Variants in ADK observed in about 807,000 individuals in gnomAD.
The protein encoded by ADK is N6,N6-dimethyladenosine kinase.
In ADK, 24 loss-of-function variants were observed where a neutral mutation model predicts 44.7. That is an observed-to-expected ratio of 0.54 (90% CI 0.39 to 0.76). The LOEUF is 0.76. Among genes scored for constraint, ADK ranks in the 30% least tolerant of loss-of-function variants. ADK has a pLI of 0.00. For synonymous variants in ADK, 128 were observed against 142.6 expected, an observed-to-expected ratio of 0.90 and a Z score of 0.73; for missense variants, 321 against 425.1, an observed-to-expected ratio of 0.76 and a Z score of 2.15.
chr10:74,450,722 C>T (rs1259280885), intron 6 of ADK, among the ~76,000 whole-genome samples: 1 of 152,094 alleles, frequency 6.6e-6, no homozygotes, highest in Non-Finnish European at 1.5e-5. Flanking sequence ...GTGAACAAGA[C>T]ATATTAATAG....
At chr10:74,416,734 G>A (rs1309036218) in intron 6 of ADK, among the ~76,000 whole-genome samples, 1 of 151,598 alleles carries the variant, frequency 6.6e-6, no homozygotes, top group Non-Finnish European at 1.5e-5. Context: ...ATCTTTCAAA[G>A]TATTTGTTTC....
At chr10:74,165,862 A>C (rs1210011547) in intron 1 of ADK, among the ~76,000 whole-genome samples, 1 of 152,128 alleles carries the variant, frequency 6.6e-6, no homozygotes, top group Non-Finnish European at 1.5e-5. Flanking sequence ...CCCCCAAAAT[A>C]ATTATTCTCT....
chr10:74,298,992 TG>T (rs1839910626), intron 3 of ADK, among the ~76,000 whole-genome samples: 1 of 152,286 alleles, frequency 6.6e-6, no homozygotes, highest in African/African-American at 2.4e-5. Flanking sequence ...TGGTTTTACT[TG>T]GCTCTGATGA....
At chr10:74,190,052 A>T (rs922992381) in intron 1 of ADK, among the ~76,000 whole-genome samples, 2 of 152,204 alleles carry the variant, frequency 1.3e-5, no homozygotes, top group African/African-American at 4.8e-5. Flanking sequence ...GGTGCTATAA[A>T]CATTCATCTA....
chr10:74,410,958 G>A (rs892005899), intron 6 of ADK, among the ~76,000 whole-genome samples: 5 of 152,028 alleles, frequency 3.3e-5, no homozygotes, highest in African/African-American at 1.2e-4. Context: ...TTAAAGAGGT[G>A]GGATAGCTAA....
intron 7 of ADK, among the ~76,000 whole-genome samples, chr10:74,584,608 CT>C (rs1328995787): frequency 6.6e-6 from 1 of 151,820 alleles, no homozygotes; most frequent in African/African-American, 2.4e-5. Flanking sequence ...AGACACCCCC[CT>C]GTCTTAATCT....
At chr10:74,636,961 G>A (rs1853640546) in intron 9 of ADK, among the ~76,000 whole-genome samples, 1 of 152,160 alleles carries the variant, frequency 6.6e-6, no homozygotes, top group African/African-American at 2.4e-5. Flanking sequence ...AAGCTAGAAA[G>A]ATAAGGATCA....
intron 3 of ADK, among the ~76,000 whole-genome samples, chr10:74,256,136 A>T (rs190988632): frequency 5.3e-5 from 8 of 152,348 alleles, no homozygotes; most frequent in African/African-American, 1.4e-4. Flanking sequence ...ACATGTGAAA[A>T]GGCAGGAAAG....
At chr10:74,210,330 G>GAA (rs57852507) in intron 2 of ADK, among the ~76,000 whole-genome samples, 41,365 of 84,424 alleles carry the variant, frequency 0.49, 9,720 homozygotes, top group Non-Finnish European at 0.57. Context: ...TCCATCTCAG[G>GAA]AAAAAAAAAA....
chr10:74,440,597 A>G (rs1414030503), intron 6 of ADK, among the ~76,000 whole-genome samples: 1 of 152,106 alleles, frequency 6.6e-6, no homozygotes, highest in African/African-American at 2.4e-5. Context: ...AAAAATAAAG[A>G]TATTGTTTTA....
chr10:74,245,760 T>C (rs927111120), intron 3 of ADK, among the ~76,000 whole-genome samples: 4 of 152,180 alleles, frequency 2.6e-5, no homozygotes, highest in Admixed American at 2.0e-4. Context: ...CTGGCTAATT[T>C]TTGTAATTTT....
intron 1 of ADK, among the ~76,000 whole-genome samples, chr10:74,186,787 T>C (rs1350596295): frequency 6.6e-6 from 1 of 152,228 alleles, no homozygotes; most frequent in Non-Finnish European, 1.5e-5. Context: ...CCCATTTTGG[T>C]GTGTGTATCA....
chr10:74,664,947 A>G (rs186625782), intron 9 of ADK, among the ~76,000 whole-genome samples: 1 of 152,374 alleles, frequency 6.6e-6, no homozygotes, highest in Non-Finnish European at 1.5e-5. Flanking sequence ...TGTGGACTAT[A>G]GATTAGATTA....
chr10:74,379,362 A>G, intron 4 of ADK, among the ~76,000 whole-genome samples: 1 of 152,222 alleles, frequency 6.6e-6, no homozygotes, highest in East Asian at 1.9e-4. Flanking sequence ...TGTGTGAATA[A>G]CACTCTTCTC....
In ADK at chr10:74,238,880, T is replaced by TTA. The variant is rs1163588596; in HGVS notation, c.194+14289_194+14290insTA. Among the ~76,000 whole-genome samples, 8 of 145,956 alleles carry TTA rather than the reference T, an allele frequency of 5.5e-5. No individual in the cohort carries two copies. The South Asian group carries it at 6.5e-4, about 12-fold the overall frequency. ...GCTTTTTTTTTTTTTTTTTTTTTTT[T>TTA]AAGACGGAGTCTCGCTCTGTTCCAG... On this transcript the variant is annotated intron_variant, in intron 3 of 10. Transcript: ENST00000539909.
intron 3 of ADK, among the ~76,000 whole-genome samples, chr10:74,304,589 C>A (rs1404840849): frequency 6.6e-6 from 1 of 151,958 alleles, no homozygotes; most frequent in African/African-American, 2.4e-5. Context: ...AATAGAAATT[C>A]TTTTTTACAA....
intron 1 of ADK, among the ~76,000 whole-genome samples, chr10:74,153,277 G>A (rs1841663222): frequency 6.6e-6 from 1 of 152,116 alleles, no homozygotes; most frequent in Admixed American, 6.5e-5. Flanking sequence ...CATTTGGCGT[G>A]GTCTAGAAAG....
intron 8 of ADK, among the ~76,000 whole-genome samples, chr10:74,597,538 G>A (rs1851965267): frequency 6.6e-6 from 1 of 151,966 alleles, no homozygotes; most frequent in Non-Finnish European, 1.5e-5. Flanking sequence ...CACTCTTGTT[G>A]TTCATGAACT....
chr10:74,669,887 T>C (rs1029713960), intron 9 of ADK, among the ~76,000 whole-genome samples: 1 of 152,194 alleles, frequency 6.6e-6, no homozygotes, highest in African/African-American at 2.4e-5. Flanking sequence ...TCATTTGCAC[T>C]GTCCAGAAAG....
Sources: allele counts gnomAD v4.1 joint callset (sites outside exome capture counted in the v4.1 genomes callset), GRCh38; gene constraint gnomAD v4.1.1; transcripts MANE v1.5; gene names NCBI Gene and HGNC (gene_info 2026-07-23, HGNC 2026-07-21).